The following FCHSD2 variants were observed in gnomAD, a reference collection of about 807,000 sequenced individuals.
FCHSD2 encodes F-BAR and double SH3 domains protein 2.
A neutral mutation model predicts 108.1 loss-of-function variants in FCHSD2; 38 were observed. The ratio of observed to expected loss-of-function variants is 0.35; its 90% CI spans 0.27 to 0.46. The LOEUF is 0.46. Ranked by LOEUF, FCHSD2 falls within the 20% of genes least tolerant of loss-of-function variation. The pLI is 1.00. For synonymous variants in FCHSD2, 279 were observed against 314.7 expected (o/e 0.89, Z 1.20); for missense variants, 751 against 897.8 (o/e 0.84, Z 2.09).
At chr11:72,948,592 AAT>A (rs575486566) in intron 8 of FCHSD2, among the ~76,000 whole-genome samples, 44 of 152,354 alleles carry the variant, frequency 2.9e-4, no homozygotes, top group African/African-American at 9.1e-4. Flanking sequence ...TCAATAATAG[AAT>A]ATGAGTGTAT....
At chr11:73,019,189 A>C (rs1241432608) in intron 3 of FCHSD2, among the ~76,000 whole-genome samples, 2 of 152,240 alleles carry the variant, frequency 1.3e-5, no homozygotes, top group Non-Finnish European at 2.9e-5. Context: ...ATATGAGATG[A>C]GCCTCAGTTC....
chr11:73,122,972 G>A (rs985350703), intron 2 of FCHSD2, among the ~76,000 whole-genome samples: 1 of 151,868 alleles, frequency 6.6e-6, no homozygotes, highest in African/African-American at 2.4e-5. Flanking sequence ...CTTAATCATT[G>A]AACATTTATA....
chr11:72,906,884 T>C (rs1290630517), intron 9 of FCHSD2, among the ~76,000 whole-genome samples: 1 of 152,208 alleles, frequency 6.6e-6, no homozygotes, highest in African/African-American at 2.4e-5. Context: ...TTCTTTTTGC[T>C]TAGGATTGTC....
chr11:72,886,092 G>C (rs574391775), intron 12 of FCHSD2, among the ~76,000 whole-genome samples: 1 of 152,114 alleles, frequency 6.6e-6, no homozygotes, highest in Admixed American at 6.5e-5. Context: ...GAGTTCTAAG[G>C]GGGTGTTAGA....
chr11:72,991,089 C>G (rs746447650), intron 5 of FCHSD2, among the ~76,000 whole-genome samples: 1 of 152,078 alleles, frequency 6.6e-6, no homozygotes, highest in African/African-American at 2.4e-5. Context: ...AACACCTCTA[C>G]GCAAATAAAC....
chr11:72,901,795 TA>T (rs1307762501), intron 10 of FCHSD2, among the ~76,000 whole-genome samples: 2 of 152,222 alleles, frequency 1.3e-5, no homozygotes, highest in Non-Finnish European at 2.9e-5. Flanking sequence ...AAAAGGCCTA[TA>T]ATCTTTTATA....
At chr11:73,043,225 C>G (rs1416498621) in intron 3 of FCHSD2, among the ~76,000 whole-genome samples, 1 of 152,112 alleles carries the variant, frequency 6.6e-6, no homozygotes, top group Non-Finnish European at 1.5e-5. Flanking sequence ...GAGGTATGTT[C>G]TTTCTATGCC....
At chr11:73,140,813 C>T (rs1479894740) in intron 1 of FCHSD2, among the ~76,000 whole-genome samples, 1 of 152,266 alleles carries the variant, frequency 6.6e-6, no homozygotes, top group Non-Finnish European at 1.5e-5. Flanking sequence ...GCCAGAGAGC[C>T]TCGCCCGCCA....
chr11:72,889,281 A>C (rs1440852939), intron 11 of FCHSD2, among the ~76,000 whole-genome samples: 3 of 152,162 alleles, frequency 2.0e-5, no homozygotes, highest in African/African-American at 7.2e-5. Flanking sequence ...CTTTTAAAAA[A>C]TATGTCTTGA....
chr11:72,840,318 A>G (rs1361119064), intron 19 of FCHSD2, among the ~76,000 whole-genome samples: 1 of 152,172 alleles, frequency 6.6e-6, no homozygotes, highest in Non-Finnish European at 1.5e-5. Flanking sequence ...ATGGTATCAA[A>G]AGCTAATAGG....
In FCHSD2 at chr11:73,080,316, A is replaced by G. The variant is rs543238205; in HGVS notation, c.165+3379T>C. 7.6e-3 allele frequency among the ~76,000 whole-genome samples: 1,147 copies of G among 150,800 alleles called. 10 individuals carry two copies. The highest frequency in any genetic ancestry group is 0.017 in the Middle Eastern group (5 of 290). On this transcript the variant is annotated intron_variant, in intron 3 of 19. Coordinates refer to ENST00000409418, the MANE Select transcript of FCHSD2 (RefSeq NM_014824.3). ...TGTCTCAAAAAAAAAAAAAAAAAAA[A>G]AAAGAAAGAAAGAAAAGAAATTTTT...
intron 1 of FCHSD2, among the ~76,000 whole-genome samples, 162 bp downstream of exon 1, chr11:73,141,695 C>A (rs111307075): frequency 0.021 from 3,233 of 152,262 alleles, 121 homozygotes; most frequent in African/African-American, 0.072. Context: ...AGGCAACTCA[C>A]ACGCGCGCCC....
intron 3 of FCHSD2, among the ~76,000 whole-genome samples, chr11:73,033,663 A>G (rs1858419288): frequency 6.6e-6 from 1 of 152,236 alleles, no homozygotes; most frequent in Admixed American, 6.5e-5. Flanking sequence ...TACTCAAACT[A>G]TGGAATTCTA....
chr11:73,044,504 G>A (rs1256536816), intron 3 of FCHSD2, among the ~76,000 whole-genome samples: 1 of 152,108 alleles, frequency 6.6e-6, no homozygotes, highest in African/African-American at 2.4e-5. Flanking sequence ...TTGTGCCCAG[G>A]AGTTTGAGGC....
chr11:73,131,014 A>G (rs541892771), intron 2 of FCHSD2, among the ~76,000 whole-genome samples: 6 of 152,286 alleles, frequency 3.9e-5, no homozygotes, highest in Non-Finnish European at 7.4e-5. Context: ...AGAAGCAACT[A>G]TGATTGTTGA....
At position 72,921,852 on chromosome 11, in the gene FCHSD2, C is replaced by T; in HGVS notation, c.804G>A (p.Gln268=). 6.2e-7 allele frequency: 1 copy of T among 1,611,440 alleles called. No individual in the cohort carries two copies. The highest frequency in any genetic ancestry group is 1.3e-5 in the African/African-American group (1 of 75,010). Residue 268 remains glutamine (Q), a synonymous_variant, in exon 9 of 20, where the codon CAG becomes CAA. Coordinates refer to ENST00000409418, the MANE Select transcript of FCHSD2 (RefSeq NM_014824.3). ...CCTTGCTGGAGTTTTCTAATAAAAA[C>T]TGGAATGTGTTCTGCACAGCTTGGC... ...ETCQAVQNTF[Q]FLLENSSKVV...
chr11:72,953,637 A>AC (rs1435917765), intron 8 of FCHSD2, among the ~76,000 whole-genome samples: 2 of 151,616 alleles, frequency 1.3e-5, no homozygotes, highest in South Asian at 2.1e-4. Context: ...GGAAAAAAAA[A>AC]ACACAAAAAC....
At chr11:73,022,831 C>T (rs1005996544) in intron 3 of FCHSD2, among the ~76,000 whole-genome samples, 1 of 151,988 alleles carries the variant, frequency 6.6e-6, no homozygotes, top group Non-Finnish European at 1.5e-5. Flanking sequence ...ATGATGTTGG[C>T]AAAAGAATGG....
At chr11:72,878,316 G>C (rs1310816468) in intron 12 of FCHSD2, among the ~76,000 whole-genome samples, 1 of 152,034 alleles carries the variant, frequency 6.6e-6, no homozygotes, top group African/African-American at 2.4e-5. Context: ...CCCTCTAATT[G>C]TCCATGTTAA....
Sources: gnomAD v4.1 joint callset for allele counts (sites outside exome capture counted in the v4.1 genomes callset) on GRCh38, gnomAD v4.1.1 for gene constraint, MANE v1.5 for transcripts, NCBI Gene and HGNC (gene_info 2026-07-23, HGNC 2026-07-21) for gene names.